The following COL22A1 variants were observed in gnomAD, a reference collection of about 807,000 sequenced individuals.
The protein encoded by COL22A1 is collagen type XXII alpha 1 chain.
A neutral mutation model predicts 248.9 loss-of-function variants in COL22A1; 221 were observed. The observed-to-expected ratio is 0.89, with a 90% CI of 0.80 to 0.99. The LOEUF is 0.99. Ranked by LOEUF, COL22A1 falls within the 50% of genes least tolerant of loss-of-function variation. The pLI, the probability that COL22A1 is intolerant of heterozygous loss-of-function variation, is 0.00. For synonymous variants in COL22A1, 891 were observed against 793.4 expected, an observed-to-expected ratio of 1.12 and a Z score of -2.07; for missense variants, 2,240 against 2,179.0, an observed-to-expected ratio of 1.03 and a Z score of -0.56.
intron 47 of COL22A1, among the ~76,000 whole-genome samples, chr8:138,638,182 T>A (rs558572754): frequency 7.9e-5 from 12 of 152,350 alleles, no homozygotes; most frequent in African/African-American, 2.6e-4. Context: ...TTAACTATTA[T>A]CTACCTTAGC....
chr8:138,655,451 C>T (rs555109362), intron 45 of COL22A1, among the ~76,000 whole-genome samples: 37 of 152,292 alleles, frequency 2.4e-4, no homozygotes, highest in African/African-American at 7.0e-4. Flanking sequence ...CTCTACCTCC[C>T]GGGCTCAAGT....
intron 36 of COL22A1, among the ~76,000 whole-genome samples, 188 bp from the exon 37 acceptor site, chr8:138,689,158 C>CGG (rs375913019): frequency 0.038 from 5,388 of 143,414 alleles, 165 homozygotes; most frequent in African/African-American, 0.095. Context: ...GCTGCTCTCC[C>CGG]GGGGGGGGGG....
chr8:138,854,039 G>A (rs1455723113), intron 3 of COL22A1, among the ~76,000 whole-genome samples: 1 of 152,184 alleles, frequency 6.6e-6, no homozygotes, highest in Non-Finnish European at 1.5e-5. Flanking sequence ...AGCAGGATGT[G>A]GTAGCTTGGT....
intron 32 of COL22A1, among the ~76,000 whole-genome samples, chr8:138,696,529 C>T (rs1271683669): frequency 1.3e-5 from 2 of 152,234 alleles, no homozygotes; most frequent in Non-Finnish European, 2.9e-5. Flanking sequence ...GCTACTTTCT[C>T]TCTCTATGTC....
rs530240118 is a variant in COL22A1 at position 138,672,137 on chromosome 8, G to A, written c.3150+4421C>T. On this transcript the variant is annotated intron_variant, in intron 41 of 64. Coordinates refer to ENST00000303045, the MANE Select transcript of COL22A1 (RefSeq NM_152888.3). ...GGCATTTGCTTGGAGTTAGAATGCTGGGGTTCCTGTCCTAGCTCTACCATG... is the reference window on the plus strand; with the variant it reads ...GGCATTTGCTTGGAGTTAGAATGCTAGGGTTCCTGTCCTAGCTCTACCATG... 2.0e-5 allele frequency among the ~76,000 whole-genome samples: 3 copies of A among 152,286 alleles called. No homozygotes were observed. The South Asian group carries it at 6.2e-4, about 32-fold the overall frequency.
At chr8:138,664,209 G>GCGCGCACACA (rs1440442280) in intron 41 of COL22A1, among the ~76,000 whole-genome samples, 5 of 103,204 alleles carry the variant, frequency 4.8e-5, no homozygotes, top group African/African-American at 8.0e-5. Flanking sequence ...GCGCGCGCGC[G>GCGCGCACACA]CACACACACA....
intron 11 of COL22A1, among the ~76,000 whole-genome samples, chr8:138,797,833 TA>T (rs1816680742): frequency 6.6e-6 from 1 of 152,198 alleles, no homozygotes; most frequent in Non-Finnish European, 1.5e-5. Context: ...TTGCTTCATG[TA>T]TTCTGGGGTT....
At chr8:138,837,661 G>C (rs2131840534) in intron 4 of COL22A1, among the ~76,000 whole-genome samples, 1 of 152,320 alleles carries the variant, frequency 6.6e-6, no homozygotes, top group South Asian at 2.1e-4. Context: ...GTCTGGAAGT[G>C]TCCTGGGGCC....
intron 64 of COL22A1, among the ~76,000 whole-genome samples, 170 bp downstream of exon 64, chr8:138,591,254 A>G (rs1429232432): frequency 6.6e-6 from 1 of 152,082 alleles, no homozygotes; most frequent in Non-Finnish European, 1.5e-5. Context: ...AGAAGGTCGT[A>G]TTTTAGAAAT....
At chr8:138,606,348 G>C (rs1347661971) in intron 58 of COL22A1, 33 bp downstream of exon 58, 2 of 1,590,794 alleles carry the variant, frequency 1.3e-6, no homozygotes, top group Non-Finnish European at 1.7e-6. Flanking sequence ...CTGGAGCCAG[G>C]TATCTTGGGC....
intron 51 of COL22A1, 102 bp downstream of exon 51, chr8:138,626,088 G>A (rs1820212370): frequency 4.7e-6 from 4 of 844,416 alleles, no homozygotes; most frequent in Admixed American, 5.8e-5. Flanking sequence ...AAATTCTAGT[G>A]GCCAGGCCTT....
At chr8:138,696,936 T>C (rs772151705) in intron 32 of COL22A1, among the ~76,000 whole-genome samples, 8 of 152,180 alleles carry the variant, frequency 5.3e-5, no homozygotes, top group Non-Finnish European at 8.8e-5. Context: ...CCTCCAGTCA[T>C]TGGCAACACA....
At chr8:138,727,548 C>G (rs1296599972) in intron 23 of COL22A1, among the ~76,000 whole-genome samples, 2 of 152,192 alleles carry the variant, frequency 1.3e-5, no homozygotes, top group African/African-American at 2.4e-5. Flanking sequence ...AACAACACTG[C>G]ATGGCCACTA....
intron 1 of COL22A1, among the ~76,000 whole-genome samples, chr8:138,901,358 G>GTTTTTTTTT (rs146670099): frequency 6.2e-4 from 82 of 131,486 alleles, no homozygotes; most frequent in African/African-American, 2.0e-3. Context: ...TTACTGGCAG[G>GTTTTTTTTT]TTTTTTTTTT....
intron 3 of COL22A1, among the ~76,000 whole-genome samples, chr8:138,864,691 C>A (rs1822730318): frequency 6.6e-6 from 1 of 152,152 alleles, no homozygotes; most frequent in South Asian, 2.1e-4. Context: ...GAGTGCAGAG[C>A]CAGATCTGGC....
chr8:138,755,440 T>C, intron 20 of COL22A1, 42 bp downstream of exon 20: 2 of 1,597,092 alleles, frequency 1.3e-6, no homozygotes, highest in East Asian at 2.2e-5. Flanking sequence ...GTTTCTGCTG[T>C]GACCTAAATC....
At chr8:138,709,397 A>G (rs534074429) in intron 30 of COL22A1, among the ~76,000 whole-genome samples, 1 of 152,296 alleles carries the variant, frequency 6.6e-6, no homozygotes, top group African/African-American at 2.4e-5. Context: ...CCAAATGTCC[A>G]TCAATGATAG....
intron 4 of COL22A1, among the ~76,000 whole-genome samples, chr8:138,838,326 A>C (rs1820590944): frequency 6.6e-6 from 1 of 152,022 alleles, no homozygotes; most frequent in Admixed American, 6.6e-5. Flanking sequence ...AGCCCCTCAC[A>C]CACTCACTGA....
At chr8:138,660,958 A>G (rs1313288231) in intron 43 of COL22A1, among the ~76,000 whole-genome samples, 10 of 75,980 alleles carry the variant, frequency 1.3e-4, no homozygotes, top group Non-Finnish European at 2.8e-4. Context: ...ACACACAGAC[A>G]CACACGCACA....
Sources: gnomAD v4.1 joint callset for allele counts (sites outside exome capture counted in the v4.1 genomes callset) on GRCh38, gnomAD v4.1.1 for gene constraint, MANE v1.5 for transcripts, NCBI Gene and HGNC (gene_info 2026-07-23, HGNC 2026-07-21) for gene names.